Variants in PDE4D observed in about 807,000 individuals in gnomAD.
PDE4D encodes phosphodiesterase 4D, also known as 3',5'-cyclic-AMP phosphodiesterase 4D.
PDE4D carries 24 observed loss-of-function variants against 87.4 expected under a neutral mutation model. That is an observed-to-expected ratio of 0.27 (90% confidence interval 0.20 to 0.39). The LOEUF (loss-of-function observed/expected upper bound fraction) is 0.39, where lower values mean the gene tolerates loss of function less well. PDE4D is among the 10% of genes least tolerant of loss of function. PDE4D has a pLI of 1.00. For missense variants in PDE4D, 714 were observed against 1,041.0 expected (o/e 0.69, Z 4.32); for synonymous variants, 384 against 383.2 (o/e 1.00, Z -0.02).
chr5:59,886,809 C>T (rs1267058949), intron 1 of PDE4D, among the ~76,000 whole-genome samples: 3 of 151,752 alleles, frequency 2.0e-5, no homozygotes, highest in Admixed American at 1.3e-4. Flanking sequence ...CAAGAAAGAC[C>T]GACTGGGCCA....
At chr5:59,647,991 T>C (rs1742758849) in intron 1 of PDE4D, among the ~76,000 whole-genome samples, 1 of 152,156 alleles carries the variant, frequency 6.6e-6, no homozygotes, top group Non-Finnish European at 1.5e-5. Context: ...AACTCTAAAA[T>C]TAAATACAAA....
chr5:60,462,950 C>G (rs868705045), intron 1 of PDE4D, among the ~76,000 whole-genome samples: 2 of 152,108 alleles, frequency 1.3e-5, no homozygotes, highest in Non-Finnish European at 2.9e-5. Context: ...AGTTTTCCTA[C>G]AAAGTTTGCT....
chr5:59,495,838 G>C (rs1807085893), intron 1 of PDE4D, among the ~76,000 whole-genome samples: 1 of 152,120 alleles, frequency 6.6e-6, no homozygotes, highest in Non-Finnish European at 1.5e-5. Context: ...AGGTTGTGGG[G>C]GTCGATCCCA....
In PDE4D at chr5:59,180,618, G is replaced by A. The variant is rs377740085; in HGVS notation, c.785C>T (p.Ser262Phe). Residue 262 changes from serine (S) to phenylalanine (F), a missense_variant, in exon 5 of 15, where the codon TCC becomes TTC. Coordinates refer to ENST00000340635, the MANE Select transcript of PDE4D (RefSeq NM_001104631.2). ...ACCTGTTATGGTGGCTTTGTTGATG[G>A]ATGGTTGGTTGCACATGGGTGATCT... ...SKRSPMCNQPSINKATITEEA... is the reference protein window; with the variant it reads ...SKRSPMCNQPFINKATITEEA... The A allele has an allele frequency of 6.2e-7, 1 of 1,613,384 alleles. No homozygotes were observed. Among genetic ancestry groups the A allele is most frequent in the Non-Finnish European group, 8.5e-7 (1 of 1,179,606 alleles).
intron 1 of PDE4D, among the ~76,000 whole-genome samples, chr5:59,273,626 A>T (rs916202530): frequency 1.3e-5 from 2 of 152,118 alleles, no homozygotes; most frequent in Non-Finnish European, 2.9e-5. Flanking sequence ...TAAATCTAAG[A>T]ATCATGCATA....
intron 1 of PDE4D, among the ~76,000 whole-genome samples, chr5:59,371,745 T>C (rs1466948739): frequency 6.6e-6 from 1 of 152,230 alleles, no homozygotes; most frequent in Non-Finnish European, 1.5e-5. Flanking sequence ...TACTATAGGT[T>C]ATCTGGTGAG....
rs185185740 is a variant in PDE4D at position 59,237,080 on chromosome 5, T to C, written c.456-21112A>G. On this transcript the variant is annotated intron_variant, in intron 1 of 14. Transcript: ENST00000340635. Reference sequence around the variant, plus strand: ...AGTATGTGTTACAGATAATGAAGTTTTAGACCCAACCAATTTCTGCCTCAT... The same window carrying C: ...AGTATGTGTTACAGATAATGAAGTTCTAGACCCAACCAATTTCTGCCTCAT... Among the ~76,000 whole-genome samples the C allele has an allele frequency of 2.6e-3, 396 of 152,254 alleles. 1 individual carries two copies. The highest frequency in any genetic ancestry group is 4.2e-3 in the Non-Finnish European group (283 of 68,008).
At chr5:59,570,016 A>G (rs1821561973) in intron 1 of PDE4D, among the ~76,000 whole-genome samples, 1 of 152,180 alleles carries the variant, frequency 6.6e-6, no homozygotes, top group Non-Finnish European at 1.5e-5. Flanking sequence ...CAAATACTAC[A>G]TTATCTGTGA....
chr5:59,736,055 A>G (rs1758023949), intron 1 of PDE4D, among the ~76,000 whole-genome samples: 1 of 152,004 alleles, frequency 6.6e-6, no homozygotes, highest in Non-Finnish European at 1.5e-5. Flanking sequence ...AGTCAAATTT[A>G]TGTGACAAAA....
intron 1 of PDE4D, among the ~76,000 whole-genome samples, chr5:59,325,808 G>T (rs1269752358): frequency 6.6e-6 from 1 of 151,988 alleles, no homozygotes; most frequent in African/African-American, 2.4e-5. Flanking sequence ...GTCTAAAATT[G>T]TAACTATTGA....
At chr5:59,540,372 C>A (rs556032974) in intron 1 of PDE4D, among the ~76,000 whole-genome samples, 91 of 151,700 alleles carry the variant, frequency 6.0e-4, no homozygotes, top group South Asian at 1.0e-3. Flanking sequence ...ACAAAAAAAA[C>A]CAAAAAACAG....
intron 1 of PDE4D, among the ~76,000 whole-genome samples, chr5:59,618,074 T>C (rs1039846866): frequency 7.2e-5 from 11 of 152,278 alleles, no homozygotes; most frequent in Admixed American, 6.5e-4. Flanking sequence ...ATTGAGAGTT[T>C]ATGTGTCATG....
rs1439645033 is a variant in PDE4D, at chr5:59,396,157, T to G, written c.456-180189A>C. Among the ~76,000 whole-genome samples the G allele has an allele frequency of 2.5e-5, 3 of 118,974 alleles. 1 individual carries two copies. The highest frequency in any genetic ancestry group is 5.3e-5 in the Non-Finnish European group (3 of 56,322). The allele number at this position is 118,974 out of a possible 152,430, so 78.1% of individuals were successfully genotyped here. On this transcript the variant is annotated intron_variant, in intron 1 of 14. Transcript: ENST00000340635. ...AATGGAACCAAGTTGGAAAACACTC[T>G]GCAGGATATTATCCAGGAGAATTTC...
chr5:59,068,379 C>A (rs17777413), intron 5 of PDE4D, among the ~76,000 whole-genome samples: 10,875 of 151,906 alleles, frequency 0.072, 505 homozygotes, highest in Middle Eastern at 0.12. Context: ...TTCATTTGTT[C>A]TTTTGTTCAC....
intron 1 of PDE4D, among the ~76,000 whole-genome samples, chr5:60,402,875 T>C (rs1413576660): frequency 6.6e-6 from 1 of 152,214 alleles, no homozygotes; most frequent in Non-Finnish European, 1.5e-5. Flanking sequence ...GTAACCACAT[T>C]GGACAGAAGC....
intron 1 of PDE4D, among the ~76,000 whole-genome samples, chr5:59,642,250 CTATA>C (rs575739385): frequency 1.3e-4 from 20 of 151,742 alleles, no homozygotes; most frequent in Admixed American, 2.6e-4. Context: ...TCACTTTTTA[CTATA>C]TATATATTTA....
intron 1 of PDE4D, among the ~76,000 whole-genome samples, chr5:59,484,918 T>C (rs1804855612): frequency 6.6e-6 from 1 of 152,194 alleles, no homozygotes; most frequent in Non-Finnish European, 1.5e-5. Context: ...TGACAACCAG[T>C]AATATCCACC....
At chr5:59,419,502 C>T (rs1429640731) in intron 1 of PDE4D, among the ~76,000 whole-genome samples, 1 of 152,136 alleles carries the variant, frequency 6.6e-6, no homozygotes, top group African/African-American at 2.4e-5. Context: ...AGATTTTAAG[C>T]TCCATGAGGG....
intron 2 of PDE4D, among the ~76,000 whole-genome samples, chr5:60,049,413 C>G (rs1769787185): frequency 1.3e-5 from 2 of 152,240 alleles, no homozygotes; most frequent in African/African-American, 4.8e-5. Flanking sequence ...TGGTGAGGAA[C>G]TGCGTTCCTT....
Sources: gnomAD v4.1 joint callset for allele counts (sites outside exome capture counted in the v4.1 genomes callset) on GRCh38, gnomAD v4.1.1 for gene constraint, MANE v1.5 for transcripts, NCBI Gene and HGNC (gene_info 2026-07-23, HGNC 2026-07-21) for gene names.